The following TRHDE variants were observed in gnomAD, a reference collection of about 807,000 sequenced individuals.
TRHDE encodes the protein thyrotropin-releasing hormone-degrading ectoenzyme.
TRHDE carries 72 observed loss-of-function variants against 125.7 expected under a neutral mutation model. That is an observed-to-expected ratio of 0.57 (90% CI 0.47 to 0.70). The LOEUF is 0.70. Among genes scored for constraint, TRHDE ranks in the 30% least tolerant of loss-of-function variants. TRHDE has a pLI of 0.00. For missense variants in TRHDE, 1,110 were observed against 1,327.1 expected, an observed-to-expected ratio of 0.84 and a Z score of 2.54; for synonymous variants, 509 against 509.1, an observed-to-expected ratio of 1.00 and a Z score of 0.00.
At chr12:72,129,229 TC>T (rs879552028) in intron 2 of TRHDE, among the ~76,000 whole-genome samples, 1 of 152,168 alleles carries the variant, frequency 6.6e-6, no homozygotes, top group Non-Finnish European at 1.5e-5. Flanking sequence ...AAAAAATTTA[TC>T]ACCAGCAGAC....
At chr12:72,147,300 G>A (rs1876252007) in intron 2 of TRHDE, among the ~76,000 whole-genome samples, 1 of 152,004 alleles carries the variant, frequency 6.6e-6, no homozygotes, top group Non-Finnish European at 1.5e-5. Context: ...AAGGAATTTT[G>A]AAAACAGGTC....
At chr12:72,185,292 C>T (rs1877182133) in intron 2 of TRHDE, among the ~76,000 whole-genome samples, 1 of 152,234 alleles carries the variant, frequency 6.6e-6, no homozygotes, top group Non-Finnish European at 1.5e-5. Flanking sequence ...CGGGGCAGGG[C>T]TGGGGACCTG....
At chr12:72,594,531 T>C (rs1406757880) in intron 12 of TRHDE, among the ~76,000 whole-genome samples, 3 of 150,644 alleles carry the variant, frequency 2.0e-5, no homozygotes, top group Non-Finnish European at 4.4e-5. Context: ...TATTACTAGG[T>C]ATAAAGTACA....
chr12:72,094,704 G>C (rs564903984), intron 1 of TRHDE, among the ~76,000 whole-genome samples: 6 of 152,356 alleles, frequency 3.9e-5, no homozygotes, highest in Non-Finnish European at 8.8e-5. Flanking sequence ...GTTCCTGGCA[G>C]ATGGTTCTGG....
intron 12 of TRHDE, among the ~76,000 whole-genome samples, chr12:72,607,443 T>TA (rs890220026): frequency 5.9e-5 from 9 of 152,300 alleles, no homozygotes; most frequent in African/African-American, 2.2e-4. Flanking sequence ...TGATTTTTTT[T>TA]ATGTGAAAAT....
chr12:72,260,790 C>T (rs1160502958), intron 2 of TRHDE, among the ~76,000 whole-genome samples: 6 of 152,088 alleles, frequency 3.9e-5, no homozygotes, highest in South Asian at 4.1e-4. Context: ...TCGAAATACG[C>T]GTATGAAGGA....
In TRHDE at chr12:72,575,429, G is replaced by A. The variant is rs139313651; in HGVS notation, c.2265+41G>A. On this transcript the variant is annotated intron_variant, in intron 11 of 18. Transcript: ENST00000261180. Reference sequence around the variant, plus strand: ...GCTTATCAAAGATAATTTTTGGTATGTGAACACCTACCATTTTAATCCTAA... The same window carrying A: ...GCTTATCAAAGATAATTTTTGGTATATGAACACCTACCATTTTAATCCTAA... The A allele has an allele frequency of 5.5e-4, 880 of 1,613,378 alleles. 2 individuals carry two copies. In the African/African-American group the frequency reaches 0.01, roughly 19 times the overall value.
At chr12:72,181,992 T>C (rs1310809774) in intron 2 of TRHDE, among the ~76,000 whole-genome samples, 2 of 152,214 alleles carry the variant, frequency 1.3e-5, no homozygotes, top group Non-Finnish European at 2.9e-5. Flanking sequence ...ATCTTTTAAA[T>C]GTGGAGTTTG....
chr12:72,473,895 T>G (rs1426531601), intron 5 of TRHDE, among the ~76,000 whole-genome samples: 1 of 152,100 alleles, frequency 6.6e-6, no homozygotes, highest in African/African-American at 2.4e-5. Flanking sequence ...AATTCAAATT[T>G]AAATTTATTT....
At chr12:72,126,854 C>G (rs1252375919) in intron 2 of TRHDE, among the ~76,000 whole-genome samples, 7 of 152,072 alleles carry the variant, frequency 4.6e-5, no homozygotes, top group Non-Finnish European at 1.0e-4. Context: ...CAAGTGGGGC[C>G]TAATTAAACT....
At chr12:72,214,536 T>C (rs1402353593) in intron 2 of TRHDE, among the ~76,000 whole-genome samples, 1 of 152,194 alleles carries the variant, frequency 6.6e-6, no homozygotes, top group East Asian at 1.9e-4. Context: ...AATTGCTGAG[T>C]AACAAGGCTA....
At chr12:72,549,829 A>G (rs1382538118) in intron 7 of TRHDE, among the ~76,000 whole-genome samples, 1 of 151,862 alleles carries the variant, frequency 6.6e-6, no homozygotes, top group African/African-American at 2.4e-5. Flanking sequence ...TGGATCAGAG[A>G]GAAATAACTT....
chr12:72,572,302 A>T (rs1213724616), intron 10 of TRHDE, among the ~76,000 whole-genome samples: 2 of 152,178 alleles, frequency 1.3e-5, no homozygotes, highest in Admixed American at 1.3e-4. Context: ...AAAGTAAAAA[A>T]TATAAAATCT....
At chr12:72,112,380 C>T (rs769336724) in intron 2 of TRHDE, among the ~76,000 whole-genome samples, 1 of 152,248 alleles carries the variant, frequency 6.6e-6, no homozygotes, top group Middle Eastern at 3.4e-3. Flanking sequence ...CGTGATTAGC[C>T]ATTCAGATTT....
chr12:72,429,149 A>G (rs1224438593), intron 3 of TRHDE, among the ~76,000 whole-genome samples: 5 of 152,112 alleles, frequency 3.3e-5, no homozygotes, highest in African/African-American at 9.6e-5. Flanking sequence ...AACAATGAGA[A>G]CACATGGACA....
intron 2 of TRHDE, among the ~76,000 whole-genome samples, chr12:72,144,738 T>C (rs1027972725): frequency 6.6e-6 from 1 of 152,204 alleles, no homozygotes; most frequent in Non-Finnish European, 1.5e-5. Context: ...CATGCTACTC[T>C]GCTGGAGCTA....
At chr12:72,278,243 C>T (rs1450110125) in intron 1 of TRHDE, among the ~76,000 whole-genome samples, 1 of 152,100 alleles carries the variant, frequency 6.6e-6, no homozygotes, top group Non-Finnish European at 1.5e-5. Flanking sequence ...TCTTCCAGTT[C>T]ATCCATGTTG....
intron 3 of TRHDE, among the ~76,000 whole-genome samples, chr12:72,462,897 T>TAA (rs1394426083): frequency 1.3e-5 from 2 of 152,182 alleles, no homozygotes; most frequent in African/African-American, 4.8e-5. Flanking sequence ...GCATCTTTGT[T>TAA]AGTCTCCTTC....
At chr12:72,402,256 C>G (rs1873075211) in intron 3 of TRHDE, among the ~76,000 whole-genome samples, 1 of 150,684 alleles carries the variant, frequency 6.6e-6, no homozygotes, top group Non-Finnish European at 1.5e-5. Flanking sequence ...ACACTAATGA[C>G]AGCTGATGAG....
Sources: allele counts gnomAD v4.1 joint callset (sites outside exome capture counted in the v4.1 genomes callset), GRCh38; gene constraint gnomAD v4.1.1; transcripts MANE v1.5; gene names NCBI Gene and HGNC (gene_info 2026-07-23, HGNC 2026-07-21).